PIP5K1B: variants seen among roughly 807,000 people sequenced by gnomAD.
The protein encoded by PIP5K1B is phosphatidylinositol 4-phosphate 5-kinase type-1 beta.
In PIP5K1B, 42 loss-of-function variants were observed where a neutral mutation model predicts 67.0. The observed-to-expected ratio is 0.63, with a 90% confidence interval of 0.49 to 0.81. PIP5K1B has a LOEUF of 0.81. Among genes scored for constraint, PIP5K1B ranks in the 30% least tolerant of loss-of-function variants. The pLI, the probability that PIP5K1B is intolerant of heterozygous loss-of-function variation, is 0.00. For synonymous variants in PIP5K1B, 214 were observed against 231.4 expected (o/e 0.92, Z 0.68); for missense variants, 459 against 646.3 (o/e 0.71, Z 3.14).
intron 2 of PIP5K1B, chr9:68,780,887 G>A: frequency 6.2e-7 from 1 of 1,614,064 alleles, no homozygotes; most frequent in South Asian, 1.1e-5. Flanking sequence ...GTGTATCTTC[G>A]GATACCCTTG....
intron 15 of PIP5K1B, among the ~76,000 whole-genome samples, chr9:69,007,314 AC>A (rs752309257): frequency 7.9e-5 from 12 of 152,170 alleles, no homozygotes; most frequent in Non-Finnish European, 1.5e-4. Flanking sequence ...GCTGAGCTGC[AC>A]CAGTCTCTGT....
At chr9:69,004,534 G>A (rs778213923) in intron 15 of PIP5K1B, among the ~76,000 whole-genome samples, 5 of 152,144 alleles carry the variant, frequency 3.3e-5, no homozygotes, top group African/African-American at 9.7e-5. Flanking sequence ...ATCCCTGAGC[G>A]GTCAAACCTT....
intron 5 of PIP5K1B, among the ~76,000 whole-genome samples, chr9:68,864,906 C>G (rs943281275): frequency 9.9e-5 from 15 of 151,974 alleles, no homozygotes; most frequent in African/African-American, 3.6e-4. Context: ...TTGTTTACCA[C>G]TAGTGTCCTC....
At chr9:68,957,636 T>C (rs1828470865) in intron 14 of PIP5K1B, among the ~76,000 whole-genome samples, 1 of 152,182 alleles carries the variant, frequency 6.6e-6, no homozygotes, top group South Asian at 2.1e-4. Flanking sequence ...TATGATCTAA[T>C]GGTAAAAGAC....
intron 4 of PIP5K1B, among the ~76,000 whole-genome samples, chr9:68,853,548 A>G (rs1038939975): frequency 6.6e-6 from 1 of 152,188 alleles, no homozygotes; most frequent in African/African-American, 2.4e-5. Flanking sequence ...TTTTTCTGAA[A>G]AATCAGAAAG....
intron 2 of PIP5K1B, among the ~76,000 whole-genome samples, chr9:68,772,446 T>G (rs531256012): frequency 6.6e-6 from 1 of 152,316 alleles, no homozygotes; most frequent in South Asian, 2.1e-4. Context: ...TAAATAAGAA[T>G]AAGCCTCTGG....
intron 4 of PIP5K1B, among the ~76,000 whole-genome samples, chr9:68,851,557 G>A (rs1822483363): frequency 6.6e-6 from 1 of 152,180 alleles, no homozygotes; most frequent in African/African-American, 2.4e-5. Flanking sequence ...ACTGGGAGAC[G>A]GGAGTAACCG....
chr9:68,963,478 G>A (rs1350646402), intron 14 of PIP5K1B, among the ~76,000 whole-genome samples: 2 of 149,966 alleles, frequency 1.3e-5, no homozygotes, highest in Non-Finnish European at 3.0e-5. Flanking sequence ...ACTCCATCCT[G>A]GGTGACAGAG....
intron 5 of PIP5K1B, among the ~76,000 whole-genome samples, chr9:68,872,128 G>A (rs906054947): frequency 6.6e-6 from 1 of 152,218 alleles, no homozygotes; most frequent in Non-Finnish European, 1.5e-5. Flanking sequence ...TGGCAGTTCT[G>A]CCATGGTGGA....
At chr9:68,993,023 G>C (rs947733335) in intron 15 of PIP5K1B, among the ~76,000 whole-genome samples, 3 of 151,662 alleles carry the variant, frequency 2.0e-5, no homozygotes, top group Admixed American at 2.0e-4. Context: ...TTAGCCGGGC[G>C]TGGTGGCAGG....
chr9:68,715,658 C>G (rs574489234), intron 1 of PIP5K1B, among the ~76,000 whole-genome samples: 2 of 152,234 alleles, frequency 1.3e-5, no homozygotes, highest in Admixed American at 6.5e-5. Context: ...CATTGCATCC[C>G]CATAGTGTCG....
intron 1 of PIP5K1B, among the ~76,000 whole-genome samples, chr9:68,712,791 C>T (rs1827453858): frequency 6.6e-6 from 1 of 152,170 alleles, no homozygotes; most frequent in Non-Finnish European, 1.5e-5. Context: ...CTGATTTCTT[C>T]CATTTACTTA....
intron 4 of PIP5K1B, among the ~76,000 whole-genome samples, chr9:68,857,750 A>G (rs1822851386): frequency 6.6e-6 from 1 of 152,134 alleles, no homozygotes; most frequent in African/African-American, 2.4e-5. Context: ...ACCTGAAGTC[A>G]CAGCTACTTG....
intron 5 of PIP5K1B, among the ~76,000 whole-genome samples, chr9:68,865,885 T>G (rs1342803512): frequency 6.6e-6 from 1 of 152,228 alleles, no homozygotes; most frequent in African/African-American, 2.4e-5. Flanking sequence ...ACTTTCCACT[T>G]GAGAGAGAGA....
chr9:68,740,855 T>G (rs1166402437), intron 1 of PIP5K1B, among the ~76,000 whole-genome samples: 1 of 152,210 alleles, frequency 6.6e-6, no homozygotes, highest in Non-Finnish European at 1.5e-5. Context: ...CAAGCCATGG[T>G]GTAGCTAGTT....
At chr9:68,980,211 G>T (rs1343490639) in intron 14 of PIP5K1B, among the ~76,000 whole-genome samples, 1 of 152,204 alleles carries the variant, frequency 6.6e-6, no homozygotes, top group Non-Finnish European at 1.5e-5. Flanking sequence ...CCCAACCAAA[G>T]GTGAGCTTTT....
At chr9:68,821,587 G>A (rs749840735) in intron 3 of PIP5K1B, among the ~76,000 whole-genome samples, 43 of 152,172 alleles carry the variant, frequency 2.8e-4, no homozygotes, top group Non-Finnish European at 5.1e-4. Flanking sequence ...TACTAAATGT[G>A]TAATGAAACA....
intron 2 of PIP5K1B, chr9:68,780,086 G>A (rs1193013550): frequency 6.5e-6 from 9 of 1,376,960 alleles, no homozygotes; most frequent in East Asian, 2.7e-5. Flanking sequence ...GGCGGCGGCA[G>A]CGGCGGCGGC....
At position 69,008,527 on chromosome 9, in the gene PIP5K1B, T is replaced by C; in HGVS notation, c.*78T>C. 1.4e-6 allele frequency: 2 copies of C among 1,411,290 alleles called. No individual in the cohort carries two copies. The highest frequency in any genetic ancestry group is 2.0e-6 in the Non-Finnish European group (2 of 995,402). 87.4% of individuals were successfully genotyped at this position (1,411,290 alleles called of 1,614,324 possible). On this transcript the variant is annotated 3_prime_UTR_variant, in exon 16 of 16. Transcript: ENST00000265382. ...CAGAGAAGTTTCTCCGCACCAGAAT[T>C]ATCCACAGCAACTTGGCTGAGCCCC...
Sources: gnomAD v4.1 joint callset for allele counts (sites outside exome capture counted in the v4.1 genomes callset) on GRCh38, gnomAD v4.1.1 for gene constraint, MANE v1.5 for transcripts, NCBI Gene and HGNC (gene_info 2026-07-23, HGNC 2026-07-21) for gene names.